UACA: variants seen among roughly 807,000 people sequenced by gnomAD.
UACA encodes the protein uveal autoantigen with coiled-coil domains and ankyrin repeats, also known as nuclear membrane binding protein.
Under a neutral mutation model 160.5 loss-of-function variants are expected in UACA, and 112 were observed. The observed-to-expected ratio is 0.70, with a 90% confidence interval of 0.60 to 0.82. The LOEUF (loss-of-function observed/expected upper bound fraction) is 0.82. Ranked by LOEUF, UACA falls within the 40% of genes least tolerant of loss-of-function variation. The pLI, the probability that UACA is intolerant of heterozygous loss-of-function variation, is 0.00. For synonymous variants in UACA, 557 were observed against 568.4 expected (o/e 0.98, Z 0.29); for missense variants, 1,574 against 1,614.6 (o/e 0.97, Z 0.43).
At position 70,667,402 on chromosome 15, in the gene UACA, G is replaced by A. The variant is rs1041165424; in HGVS notation, c.3282C>T (p.Ala1094=). Reference sequence around the variant, plus strand: ...CTGCAAGTATCTCAGAAGTCTGTTTGGCATTTTCTTCTACTAGCTTCTCTT... The same window carrying A: ...CTGCAAGTATCTCAGAAGTCTGTTTAGCATTTTCTTCTACTAGCTTCTCTT... ...NVKEKLVEEN[A]KQTSEILAVQ... Residue 1094 remains alanine, a synonymous_variant, in exon 16 of 19, where the codon GCC becomes GCT. Transcript: ENST00000322954. 6.2e-7 allele frequency: 1 copy of A among 1,611,594 alleles called. No individual in the cohort carries two copies. The highest frequency in any genetic ancestry group is 8.5e-7 in the Non-Finnish European group (1 of 1,179,894).
At chr15:70,723,044 A>T (rs1226542933) in intron 1 of UACA, among the ~76,000 whole-genome samples, 1 of 152,232 alleles carries the variant, frequency 6.6e-6, no homozygotes, top group Non-Finnish European at 1.5e-5. Flanking sequence ...TCCTGACTTT[A>T]CATTTGTTTG....
chr15:70,743,486 T>C (rs886897849), intron 1 of UACA, among the ~76,000 whole-genome samples: 1 of 152,126 alleles, frequency 6.6e-6, no homozygotes, highest in African/African-American at 2.4e-5. Context: ...CGCGTTGCAG[T>C]CAAAAAGCTT....
rs541608076 is a variant in UACA at position 70,728,256 on chromosome 15, TC to T, written c.79-28597del. Among the ~76,000 whole-genome samples the T allele has an allele frequency of 5.3e-5, 8 of 152,122 alleles. No homozygotes were observed. The East Asian group carries it at 1.5e-3, about 29-fold the overall frequency. On this transcript the variant is annotated intron_variant, in intron 1 of 18. Coordinates refer to ENST00000322954, the MANE Select transcript of UACA (RefSeq NM_018003.4). ...ATGGATTAAAGACTTAAATGTAAGA[TC>T]TAAAACTATAAAAATCATAGAAGAG...
chr15:70,700,318 T>TATATATATATATATACAC (rs565377949), intron 1 of UACA, among the ~76,000 whole-genome samples: 2 of 139,762 alleles, frequency 1.4e-5, no homozygotes, highest in African/African-American at 5.8e-5. Flanking sequence ...TATATATATA[T>TATATATATATATATACAC]ACACACACAC....
In UACA at chr15:70,667,738, C is replaced by A. The variant is rs1186479155; in HGVS notation, c.2946G>T (p.Lys982Asn). 6.2e-7 allele frequency: 1 copy of A among 1,614,018 alleles called. No individual in the cohort carries two copies. Among genetic ancestry groups the A allele is most frequent in the Non-Finnish European group, 8.5e-7 (1 of 1,179,976 alleles). Residue 982 changes from lysine (K) to asparagine (N), a missense_variant, in exon 16 of 19, where the codon AAG (lysine) becomes AAT (asparagine). Lys to Asn is a moderately conservative substitution (Grantham distance 94). Transcript: ENST00000322954. ...AGCTGACAATTGGGGCGTATTTTAC[C>A]TTAATGCATTCTTGTATTGTGTCGA... ...KELDTIQECI[K>N]VKYAPIVSFE... is the part of the protein sequence containing the mutation.
chr15:70,775,358 C>T, the UACA span, among the ~76,000 whole-genome samples: 1 of 152,134 alleles, frequency 6.6e-6, no homozygotes, highest in Non-Finnish European at 1.5e-5. Flanking sequence ...GAGTCAGTTC[C>T]AGCACTCCAC....
At chr15:70,738,672 A>G (rs1899439051) in intron 1 of UACA, among the ~76,000 whole-genome samples, 1 of 152,208 alleles carries the variant, frequency 6.6e-6, no homozygotes, top group African/African-American at 2.4e-5. Flanking sequence ...ATCTTTTAAC[A>G]TGCTATTCCC....
At chr15:70,691,226 A>T (rs2066175801) in intron 4 of UACA, 73 bp downstream of exon 4, 1 of 1,121,528 alleles carries the variant, frequency 8.9e-7, no homozygotes, top group Non-Finnish European at 1.3e-6. Context: ...CTAAAATTCC[A>T]AAAACACATT....
At chr15:70,681,295 AAAC>A (rs914721610) in intron 9 of UACA, among the ~76,000 whole-genome samples, 4 of 152,176 alleles carry the variant, frequency 2.6e-5, no homozygotes, top group African/African-American at 4.8e-5. Context: ...ATCTGTGAAC[AAAC>A]AACTGAGTGA....
At chr15:70,763,564 T>C (rs1001979374), upstream of UACA, 2 of 1,232,388 alleles carry the variant, frequency 1.6e-6, no homozygotes, top group Non-Finnish European at 2.0e-6. Flanking sequence ...TCGACAGGCC[T>C]GAGGCGGGGC....
At chr15:70,664,940 G>A in intron 16 of UACA, 126 bp from the exon 17 acceptor site, 1 of 782,952 alleles carries the variant, frequency 1.3e-6, no homozygotes, top group Non-Finnish European at 1.9e-6. Context: ...ATTGAGGTAT[G>A]AATATTGCCA....
Position 70,671,056 on chromosome 15 carries a change from A to G in UACA, c.1204T>C (p.Tyr402His). ...EDMLLKQGQM[Y>H]MADSQCTSPG... ...GTTATTACCTGTGAGTCTGCCATAT[A>G]CATCTGACCTTGTTTAAGAAGCATA... The change falls in exon 15 of 19, where the codon TAT becomes CAT. Residue 402 changes from tyrosine (Y) to histidine (H), a missense_variant. Physicochemically the swap from Tyr to His is moderately conservative, Grantham distance 83. Transcript: ENST00000322954. 6.3e-7 allele frequency: 1 copy of G among 1,580,674 alleles called. No homozygotes were observed. The highest frequency in any genetic ancestry group is 8.6e-7 in the Non-Finnish European group (1 of 1,165,214).
chr15:70,753,512 G>T (rs1352021793), intron 1 of UACA, among the ~76,000 whole-genome samples: 1 of 152,122 alleles, frequency 6.6e-6, no homozygotes, highest in Non-Finnish European at 1.5e-5. Flanking sequence ...GTAAGGACAT[G>T]GGTTCCAAAG....
At chr15:70,718,323 AATGTGT>A (rs1272845358) in intron 1 of UACA, among the ~76,000 whole-genome samples, 7 of 15,622 alleles carry the variant, frequency 4.5e-4, no homozygotes, top group South Asian at 2.3e-3. Flanking sequence ...AGAGAGAGAG[AATGTGT>A]GTGTGTGTGT....
chr15:70,707,373 T>C (rs2140975709), intron 1 of UACA, among the ~76,000 whole-genome samples: 1 of 152,266 alleles, frequency 6.6e-6, no homozygotes, highest in South Asian at 2.1e-4. Flanking sequence ...GATTTGGCAA[T>C]GATTTCCTGG....
chr15:70,678,146 T>C lies in UACA; in HGVS notation c.952A>G (p.Arg318Gly). ...ERLRKIQQEQ[R>G]ILLDKVNGLQ... ...CCATTGACTTTATCCAAAAGTATTC[T>C]TTGTTCTTGCTGAATTTTTCTCAAC... Residue 318 changes from arginine (R) to glycine (G), a missense_variant, in exon 11 of 19, where the codon AGA (arginine) becomes GGA (glycine). Physicochemically the swap from Arg to Gly is moderately radical, Grantham distance 125. Coordinates refer to ENST00000322954, the MANE Select transcript of UACA (RefSeq NM_018003.4). 1 of 1,610,936 alleles carries C rather than the reference T, an allele frequency of 6.2e-7. No homozygotes were observed. The highest frequency in any genetic ancestry group is 8.5e-7 in the Non-Finnish European group (1 of 1,179,266).
At chr15:70,669,688 G>A (rs1185121904) in intron 15 of UACA, among the ~76,000 whole-genome samples, 3 of 152,132 alleles carry the variant, frequency 2.0e-5, no homozygotes, top group African/African-American at 4.8e-5. Flanking sequence ...TTCTGTTCAC[G>A]TAAGTCTATT....
rs544775209 is a variant in UACA at position 70,743,973 on chromosome 15, G to A, written c.78+19357C>T. Among the ~76,000 whole-genome samples, 10 of 152,182 alleles carry A rather than the reference G, an allele frequency of 6.6e-5. No homozygotes were observed. In the South Asian group the frequency reaches 2.1e-3, roughly 32 times the overall value. ...AACAAAAACTAGGACGGCAGGGCAC[G>A]GTGGCTCACGCCTGTAATTCTAGCA... On this transcript the variant is annotated intron_variant, in intron 1 of 18. Coordinates refer to ENST00000322954, the MANE Select transcript of UACA (RefSeq NM_018003.4).
rs184997102 is a variant in UACA, at chr15:70,761,822, C to T, written c.78+1508G>A. The stretch of plus-strand genomic sequence containing the variant: ...CAAACTATCATGCTGATAATACCTA[C>T]TAAATACTCTGCATTTCTAGAAAAC... On this transcript the variant is annotated intron_variant, in intron 1 of 18. Transcript: ENST00000322954. Among the ~76,000 whole-genome samples, 303 of 152,288 alleles carry T rather than the reference C, an allele frequency of 2.0e-3. 8 individuals are homozygous for T. Among genetic ancestry groups the T allele is most frequent in the Admixed American group, 0.017 (255 of 15,296 alleles).
Sources: allele counts gnomAD v4.1 joint callset (sites outside exome capture counted in the v4.1 genomes callset), GRCh38; gene constraint gnomAD v4.1.1; transcripts MANE v1.5; gene names NCBI Gene and HGNC (gene_info 2026-07-23, HGNC 2026-07-21).